APOBEC3A: variants seen among roughly 807,000 people sequenced by gnomAD.
APOBEC3A encodes DNA dC->dU-editing enzyme APOBEC-3A.
APOBEC3A carries 13 observed loss-of-function variants against 23.0 expected under a neutral mutation model. The observed-to-expected ratio is 0.57, with a 90% CI of 0.37 to 0.90. APOBEC3A has a LOEUF of 0.90. Ranked by LOEUF, APOBEC3A falls within the 40% of genes least tolerant of loss-of-function variation. The probability of loss-of-function intolerance (pLI) is 0.01; values close to 1 mark genes in which losing one functional copy is unlikely to be tolerated. For missense variants in APOBEC3A, 179 were observed against 264.9 expected, an observed-to-expected ratio of 0.68 and a Z score of 2.25; for synonymous variants, 74 against 101.3, an observed-to-expected ratio of 0.73 and a Z score of 1.62.
In APOBEC3A at chr22:38,961,309, G is replaced by T. The variant is rs1325758830; in HGVS notation, c.175-78G>T. 20 of 909,898 alleles carry T rather than the reference G, an allele frequency of 2.2e-5. 1 individual carries two copies. Among genetic ancestry groups the T allele is most frequent in the Non-Finnish European group, 2.9e-5 (18 of 627,284 alleles). 56.4% of individuals were successfully genotyped at this position (909,898 alleles called of 1,614,324 possible). On this transcript the variant is annotated intron_variant, in intron 2 of 4. Coordinates refer to ENST00000249116, the MANE Select transcript of APOBEC3A (RefSeq NM_145699.4). ...CTCTAATTTCGTGCTGGAGGCCCCC[G>T]CCTCCCCAGCCCCACCTGGTCCAGG...
Position 38,962,545 on chromosome 22 carries a change from T to A in APOBEC3A, c.*36T>A, listed in dbSNP as rs535595523. The A allele has an allele frequency of 5.2e-6, 8 of 1,533,246 alleles. No individual in the cohort carries two copies. The highest frequency in any genetic ancestry group is 7.0e-6 in the Non-Finnish European group (8 of 1,140,410). The allele number at this position is 1,533,246 out of a possible 1,614,324, so 95.0% of individuals were successfully genotyped here. A position where few individuals can be genotyped will look rare whatever the true frequency, so the allele number is the denominator to read the frequency against. On this transcript the variant is annotated 3_prime_UTR_variant, in exon 5 of 5. Coordinates refer to ENST00000249116, the MANE Select transcript of APOBEC3A (RefSeq NM_145699.4). ...TCAGTCTCTAAGGAAGGCAGAGACC[T>A]GGGTTGAGCAGCAGAATAAAAGATC...
intron 1 of APOBEC3A, among the ~76,000 whole-genome samples, chr22:38,958,478 T>C (rs1255815078): frequency 3.3e-5 from 5 of 150,610 alleles, no homozygotes; most frequent in African/African-American, 9.9e-5. Flanking sequence ...CCTTTCTCTT[T>C]CTTTCTTTCC....
At chr22:38,958,663 C>CTTCT (rs1423866923) in intron 1 of APOBEC3A, among the ~76,000 whole-genome samples, 3 of 130,724 alleles carry the variant, frequency 2.3e-5, no homozygotes, top group South Asian at 2.4e-4. Context: ...TTCTTCTTTC[C>CTTCT]TTCTTTCTTT....
chr22:38,958,769 CTCTTTCTTTCTT>C lies in APOBEC3A; in HGVS notation c.30-754_30-743del, dbSNP rs55894125. 1.0e-3 allele frequency among the ~76,000 whole-genome samples: 110 copies of C among 109,446 alleles called. 1 individual carries two copies. Among genetic ancestry groups the C allele is most frequent in the Admixed American group, 4.6e-3 (52 of 11,254 alleles). 71.8% of individuals were successfully genotyped at this position (109,446 alleles called of 152,430 possible). A position where few individuals can be genotyped will look rare whatever the true frequency, so the allele number is the denominator to read the frequency against. On this transcript the variant is annotated intron_variant, in intron 1 of 4. Transcript: ENST00000249116. ...TTCCTTCCTTCCTCCATCTCTCTTT[CTCTTTCTTTCTT>C]TCTTTCTTTCTTTCTTTCCTTCCTT...
At chr22:38,959,423 A>T in intron 1 of APOBEC3A, 119 bp from the exon 2 acceptor site, 1 of 1,197,374 alleles carries the variant, frequency 8.4e-7, no homozygotes, top group Admixed American at 2.0e-5. Context: ...GTGCTAAGGG[A>T]TGTGCGGAGC....
At chr22:38,958,499 CTT>C (rs771325736) in intron 1 of APOBEC3A, among the ~76,000 whole-genome samples, 1 of 136,450 alleles carries the variant, frequency 7.3e-6, no homozygotes, top group Non-Finnish European at 1.6e-5. Context: ...TTCTTTCTTT[CTT>C]TTTCTTTCAT....
rs368272458 is a variant in APOBEC3A, at chr22:38,958,343, TTCTC to T, written c.29+633_29+636del. Among the ~76,000 whole-genome samples, 65 of 149,770 alleles carry T rather than the reference TTCTC, an allele frequency of 4.3e-4. No individual in the cohort carries two copies. The South Asian group carries it at 9.5e-3, about 22-fold the overall frequency. ...CTCTCTCTCTTTCTTTCTTCTTTCT[TTCTC>T]TCTCTCTCTTTCCTTCTTTATTTCT... On this transcript the variant is annotated intron_variant, in intron 1 of 4. Transcript: ENST00000249116.
In APOBEC3A at chr22:38,962,872, A is replaced by G. The variant is rs1419420577; in HGVS notation, c.*363A>G. 9 of 360,914 alleles carry G rather than the reference A, an allele frequency of 2.5e-5. No individual in the cohort carries two copies. The highest frequency in any genetic ancestry group is 8.7e-5 in the East Asian group (1 of 11,482). 22.4% of individuals were successfully genotyped at this position (360,914 alleles called of 1,614,324 possible). A position where few individuals can be genotyped will look rare whatever the true frequency, so the allele number is the denominator to read the frequency against. The stretch of plus-strand genomic sequence containing the variant: ...ACTCTGGAGGCTGAGGCAGGAGAGT[A>G]GCGTGAACCCGGGAGGCAGAGCTTG... On this transcript the variant is annotated 3_prime_UTR_variant, in exon 5 of 5. Coordinates refer to ENST00000249116, the MANE Select transcript of APOBEC3A (RefSeq NM_145699.4).
At position 38,961,900 on chromosome 22, in the gene APOBEC3A, T is replaced by C. The variant is rs562834966; in HGVS notation, c.470-198T>C. On this transcript the variant is annotated intron_variant, in intron 3 of 4. Transcript: ENST00000249116. ...AGTGGAAGCAGAACTTGGGGCTTTC[T>C]GAAAGAATGAGAACTGGGCTGGCCC... is the stretch of plus-strand genomic sequence containing the variant. Among the ~76,000 whole-genome samples the C allele has an allele frequency of 2.1e-4, 32 of 151,966 alleles. No individual in the cohort carries two copies. In the East Asian group the frequency reaches 3.5e-3, roughly 17 times the overall value.
rs912131669 is a variant in APOBEC3A, at chr22:38,962,963, A to G, written c.*454A>G. On this transcript the variant is annotated 3_prime_UTR_variant, in exon 5 of 5. Coordinates refer to ENST00000249116, the MANE Select transcript of APOBEC3A (RefSeq NM_145699.4). ...ACAGTACCAGACTCCATCTCAAAAA[A>G]AAAAAAACCAGACTGAATTAATTTT... The G allele has an allele frequency of 5.5e-6, 1 of 182,920 alleles. No homozygotes were observed. The highest frequency in any genetic ancestry group is 1.1e-5 in the Non-Finnish European group (1 of 88,398). 11.3% of individuals were successfully genotyped at this position (182,920 alleles called of 1,614,324 possible). A position where few individuals can be genotyped will look rare whatever the true frequency, so the allele number is the denominator to read the frequency against.
Position 38,961,677 on chromosome 22 carries a change from C to T in APOBEC3A, c.465C>T (p.Tyr155=), listed in dbSNP as rs1358298535. 3.4e-6 allele frequency: 4 copies of T among 1,185,830 alleles called. 1 individual carries two copies. The highest frequency in any genetic ancestry group is 2.3e-6 in the Non-Finnish European group (2 of 860,568). 73.5% of individuals were successfully genotyped at this position (1,185,830 alleles called of 1,614,324 possible). The part of the protein sequence containing the change: ...DAGAQVSIMT[Y]DEFKHCWDTF... ...GGGCCCAAGTCTCCATCATGACCTA[C>T]GATGGTAAGAATGGAAGGTTCAGGT... The change falls in exon 3 of 5, where the codon TAC becomes TAT. Residue 155 remains tyrosine (Y), a synonymous_variant. Transcript: ENST00000249116.
chr22:38,962,772 C>G lies in APOBEC3A; in HGVS notation c.*263C>G. The G allele has an allele frequency of 1.2e-6, 1 of 835,478 alleles. No homozygotes were observed. Among genetic ancestry groups the G allele is most frequent in the Non-Finnish European group, 1.7e-6 (1 of 575,400 alleles). 51.8% of individuals were successfully genotyped at this position (835,478 alleles called of 1,614,324 possible). A position where few individuals can be genotyped will look rare whatever the true frequency, so the allele number is the denominator to read the frequency against. Reference sequence around the variant, plus strand: ...AGGAGATCGAGACCATCCTGGCTAACACGGTGAAACCCTGTCTCTACTAAA... The same window carrying G: ...AGGAGATCGAGACCATCCTGGCTAAGACGGTGAAACCCTGTCTCTACTAAA... On this transcript the variant is annotated 3_prime_UTR_variant, in exon 5 of 5. Transcript: ENST00000249116.
In APOBEC3A at chr22:38,957,643, G is replaced by A. The variant is rs1427257249; in HGVS notation, c.-49G>A. On this transcript the variant is annotated 5_prime_UTR_variant, in exon 1 of 5. Coordinates refer to ENST00000249116, the MANE Select transcript of APOBEC3A (RefSeq NM_145699.4). Reference sequence around the variant, plus strand: ...GATCTTAACACCACGCCTTGAGCAAGTCGCAAGAGCGGGAGGACACAGACC... The same window carrying A: ...GATCTTAACACCACGCCTTGAGCAAATCGCAAGAGCGGGAGGACACAGACC... 6.2e-7 allele frequency: 1 copy of A among 1,604,910 alleles called. No homozygotes were observed. Among genetic ancestry groups the A allele is most frequent in the South Asian group, 1.1e-5 (1 of 89,676 alleles).
intron 1 of APOBEC3A, among the ~76,000 whole-genome samples, chr22:38,959,120 T>C (rs1001618695): frequency 6.6e-6 from 1 of 151,878 alleles, no homozygotes; most frequent in African/African-American, 2.4e-5. Context: ...CCCTCAGGAG[T>C]GTCCCTGTCC....
intron 1 of APOBEC3A, 44 bp from the exon 2 acceptor site, chr22:38,959,498 A>G: frequency 6.2e-7 from 1 of 1,602,484 alleles, no homozygotes; most frequent in Non-Finnish European, 8.5e-7. Flanking sequence ...AGGGCAGTCC[A>G]GGAGGGCTCT....
chr22:38,960,199 G>A (rs543024517), intron 2 of APOBEC3A, among the ~76,000 whole-genome samples: 4 of 152,314 alleles, frequency 2.6e-5, no homozygotes, highest in South Asian at 2.1e-4. Flanking sequence ...CCCTGAGCCC[G>A]GGGGACTTTC....
chr22:38,959,132 G>A (rs1442967504), intron 1 of APOBEC3A, among the ~76,000 whole-genome samples: 3 of 152,156 alleles, frequency 2.0e-5, no homozygotes, highest in African/African-American at 2.4e-5. Context: ...TCCCTGTCCC[G>A]ATGCTCGGTG....
chr22:38,959,564 T>A lies in APOBEC3A; in HGVS notation c.52T>A (p.Phe18Ile). Reference sequence around the variant, plus strand: ...CAGACACTTGATGGATCCACACATATTCACTTCCAACTTTAACAATGGCAT... The same window carrying A: ...CAGACACTTGATGGATCCACACATAATCACTTCCAACTTTAACAATGGCAT... The part of the protein sequence containing the change: ...GPRHLMDPHI[F>I]TSNFNNGIGR... Residue 18 changes from phenylalanine (F) to isoleucine (I), a missense_variant, in exon 2 of 5, where the codon TTC (phenylalanine) becomes ATC (isoleucine). Physicochemically the swap from Phe to Ile is conservative, Grantham distance 21. Around this residue, in one of 5 missense-constraint regions of APOBEC3A, gnomAD observed 87 missense variants for 74.5 expected, o/e 1.17. Coordinates refer to ENST00000249116, the MANE Select transcript of APOBEC3A (RefSeq NM_145699.4). The A allele has an allele frequency of 6.2e-7, 1 of 1,614,042 alleles. No individual in the cohort carries two copies. The highest frequency in any genetic ancestry group is 1.3e-5 in the African/African-American group (1 of 75,018).
At chr22:38,958,777 TTC>T (rs776279646) in intron 1 of APOBEC3A, among the ~76,000 whole-genome samples, 2,432 of 145,860 alleles carry the variant, frequency 0.017, 149 homozygotes, top group African/African-American at 0.058. Context: ...TTCTCTTTCT[TTC>T]TTTCTTTCTT....
Sources: allele counts gnomAD v4.1 joint callset (sites outside exome capture counted in the v4.1 genomes callset), GRCh38; gene constraint gnomAD v4.1.1; regional missense constraint gnomAD v4.1.1; transcripts MANE v1.5; gene names NCBI Gene and HGNC (gene_info 2026-07-23, HGNC 2026-07-21).